TTF2: variants seen among roughly 807,000 people sequenced by gnomAD.
The protein encoded by TTF2 is transcription termination factor 2.
Under a neutral mutation model 142.4 loss-of-function variants are expected in TTF2, and 108 were observed. The ratio of observed to expected loss-of-function variants is 0.76; its 90% CI spans 0.65 to 0.89. TTF2 has a LOEUF of 0.89. TTF2 is among the 40% of genes least tolerant of loss of function. The pLI is 0.00. For synonymous variants in TTF2, 483 were observed against 506.2 expected (o/e 0.95, Z 0.61); for missense variants, 1,327 against 1,379.8 (o/e 0.96, Z 0.61).
chr1:117,068,508 C>T (rs1449356760), intron 3 of TTF2, among the ~76,000 whole-genome samples: 1 of 148,454 alleles, frequency 6.7e-6, no homozygotes, highest in Non-Finnish European at 1.5e-5. Flanking sequence ...CAAACCTGCA[C>T]ATTGTGCACA....
In TTF2 at chr1:117,075,029, A is replaced by G; in HGVS notation, c.445A>G (p.Lys149Glu). Residue 149 changes from lysine (K) to glutamate (E), a missense_variant, in exon 5 of 23, where the codon AAG (lysine) becomes GAG (glutamate). Coordinates refer to ENST00000369466, the MANE Select transcript of TTF2 (RefSeq NM_003594.4). The surrounding 1 kb of genome is among the most constrained non-coding windows in gnomAD (Gnocchi z 4.5). ...GCTCATCAAAGGTGAAGGTGAGGAA[A>G]AGAAGGCTGATAAGAAGCAAAGAGA... ...KQLIKGEGEE[K>E]KADKKQREKG... is the part of the protein sequence containing the mutation. The G allele has an allele frequency of 6.2e-7, 1 of 1,614,060 alleles. No homozygotes were observed. The highest frequency in any genetic ancestry group is 8.5e-7 in the Non-Finnish European group (1 of 1,180,022).
rs772417520 is a variant in TTF2, at chr1:117,096,271, A to T, written c.3158A>T (p.Glu1053Val). ...CCCAAGCAGAGAATGGACTTGGTAGAGGCATTTAACCACTCCAGAGGCCCT... is the reference window on the plus strand; with the variant it reads ...CCCAAGCAGAGAATGGACTTGGTAGTGGCATTTAACCACTCCAGAGGCCCT... ...VNPKQRMDLV[E>V]AFNHSRGPQV... is the part of the protein sequence containing the mutation. Residue 1053 changes from glutamate to valine, a missense_variant, in exon 20 of 23, where the codon GAG becomes GTG. Physicochemically the swap from Glu to Val is moderately radical, Grantham distance 121. Transcript: ENST00000369466. 6.2e-7 allele frequency: 1 copy of T among 1,614,164 alleles called. No individual in the cohort carries two copies. The highest frequency in any genetic ancestry group is 8.5e-7 in the Non-Finnish European group (1 of 1,180,026).
intron 10 of TTF2, among the ~76,000 whole-genome samples, chr1:117,082,275 T>C (rs1033287194): frequency 4.6e-5 from 7 of 152,298 alleles, no homozygotes; most frequent in Non-Finnish European, 7.4e-5. Context: ...GTGCAGTGCA[T>C]GAACACAGCT....
At chr1:117,089,686 T>C (rs996216366) in intron 13 of TTF2, among the ~76,000 whole-genome samples, 1 of 151,898 alleles carries the variant, frequency 6.6e-6, no homozygotes, top group Non-Finnish European at 1.5e-5. Context: ...AAGACCTCAG[T>C]CTCTAAAGAA....
rs573182545 is a variant in TTF2 at position 117,083,913 on chromosome 1, A to G, written c.1904-105A>G. ...GATCACTTGAGCCTAGGAGTTTGAG[A>G]CAGCCTGGGTAACACAGCAAGACCG... is the stretch of plus-strand genomic sequence containing the variant. On this transcript the variant is annotated intron_variant, in intron 10 of 22. Transcript: ENST00000369466. 2.9e-6 allele frequency: 4 copies of G among 1,381,148 alleles called. No homozygotes were observed. In the African/African-American group the frequency reaches 5.7e-5, roughly 20 times the overall value. The allele number at this position is 1,381,148 out of a possible 1,614,324, so 85.6% of individuals were successfully genotyped here. A position where few individuals can be genotyped will look rare whatever the true frequency, so the allele number is the denominator to read the frequency against.
At chr1:117,061,061 G>A (rs1655641975) in intron 2 of TTF2, among the ~76,000 whole-genome samples, 1 of 152,186 alleles carries the variant, frequency 6.6e-6, no homozygotes, top group Non-Finnish European at 1.5e-5. Flanking sequence ...CATCTAAATG[G>A]TGAAATTGAT....
In TTF2 at chr1:117,104,538, G is replaced by A. The variant is rs928891465; in HGVS notation, c.*3014G>A. ...ATCTACTGTAAGGTAGATGCCTCCT[G>A]GTATTTTAAAACAGCTTTTCTAATT... On this transcript the variant is annotated 3_prime_UTR_variant, in exon 23 of 23. Coordinates refer to ENST00000369466, the MANE Select transcript of TTF2 (RefSeq NM_003594.4). 6.6e-5 allele frequency: 10 copies of A among 152,104 alleles called. No individual in the cohort carries two copies. Among genetic ancestry groups the A allele is most frequent in the African/African-American group, 2.4e-4 (10 of 41,412 alleles). The allele number at this position is 152,104 out of a possible 1,614,324, so 9.4% of individuals were successfully genotyped here.
chr1:117,079,493 G>T lies in TTF2; in HGVS notation c.1702-75G>T. On this transcript the variant is annotated intron_variant, in intron 8 of 22. Transcript: ENST00000369466. The surrounding 1 kb of genome is among the most constrained non-coding windows in gnomAD (Gnocchi z 4.2). ...CATTTGTAGAAAATAGGAGAGTGTA[G>T]AGTTCGTGTAGCCAGGCTCGGCATA... is the stretch of plus-strand genomic sequence containing the variant. The T allele has an allele frequency of 7.4e-7, 1 of 1,351,980 alleles. No individual in the cohort carries two copies. The highest frequency in any genetic ancestry group is 1.1e-6 in the Non-Finnish European group (1 of 942,668). The allele number at this position is 1,351,980 out of a possible 1,614,324, so 83.7% of individuals were successfully genotyped here.
rs918320588 is a variant in TTF2, at chr1:117,086,922, T to G, written c.2160+400T>G. ...CTAGTATTTTGATTTTAAGCCATCT[T>G]TCCCTGCCTCCCTTTACTTCCCAGA... is the stretch of plus-strand genomic sequence containing the variant. On this transcript the variant is annotated intron_variant, in intron 12 of 22. Transcript: ENST00000369466. This position sits in a 1 kb window ranked among gnomAD's most constrained non-coding sequence, Gnocchi z 4.2. Among the ~76,000 whole-genome samples, 4 of 152,018 alleles carry G rather than the reference T, an allele frequency of 2.6e-5. No individual in the cohort carries two copies. Among genetic ancestry groups the G allele is most frequent in the Non-Finnish European group, 5.9e-5 (4 of 68,022 alleles).
intron 11 of TTF2, among the ~76,000 whole-genome samples, chr1:117,084,822 G>A (rs1647867525): frequency 1.3e-5 from 2 of 152,156 alleles, no homozygotes; most frequent in African/African-American, 4.8e-5. Flanking sequence ...TCAAGGATGA[G>A]AACAAAGTTA....
In TTF2 at chr1:117,075,785, G is replaced by A. The variant is rs749296815; in HGVS notation, c.1201G>A (p.Val401Ile). 6.2e-7 allele frequency: 1 copy of A among 1,614,214 alleles called. No individual in the cohort carries two copies. The highest frequency in any genetic ancestry group is 8.5e-7 in the Non-Finnish European group (1 of 1,180,034). The part of the protein sequence containing the change: ...VQRKVSPASG[V>I]SKKVEPSDPV... ...AAGAAAGGTGTCTCCTGCCTCAGGT[G>A]TTTCCAAGAAGGTAGAACCCTCAGA... The change falls in exon 5 of 23, where the codon GTT (valine) becomes ATT (isoleucine). Residue 401 changes from valine (V) to isoleucine (I), a missense_variant. Val to Ile is a conservative substitution (Grantham distance 29). Transcript: ENST00000369466. This position sits in a 1 kb window ranked among gnomAD's most constrained non-coding sequence, Gnocchi z 4.5.
Position 117,060,516 on chromosome 1 carries a change from C to A in TTF2, c.90C>A (p.Tyr30Ter). The change falls in exon 2 of 23, where the codon TAC becomes TAA. Residue 30 changes from tyrosine to a stop codon, truncating the protein, a stop_gained. Transcript: ENST00000369466. LOFTEE classifies it high-confidence loss of function. ...GCCCGAATAAAGGAAAGAGCTTCTA[C>A]GTGTGCCGGGCAGACACGTGCAGCT... is the stretch of plus-strand genomic sequence containing the variant. ...RDGPNKGKSF[Y>*]VCRADTCSFV... 1 of 1,614,008 alleles carries A rather than the reference C, an allele frequency of 6.2e-7. No homozygotes were observed. The highest frequency in any genetic ancestry group is 8.5e-7 in the Non-Finnish European group (1 of 1,179,916).
chr1:117,098,090 A>G (rs1649312278), intron 21 of TTF2: 1 of 152,474 alleles, frequency 6.6e-6, no homozygotes. Context: ...GATGGGTACA[A>G]ATAGGTCAAC....
intron 10 of TTF2, among the ~76,000 whole-genome samples, chr1:117,082,329 C>T (rs1647595717): frequency 6.6e-6 from 1 of 152,186 alleles, no homozygotes; most frequent in African/African-American, 2.4e-5. Context: ...CCTCCCACCT[C>T]AGCCTCCCAA....
At position 117,092,855 on chromosome 1, in the gene TTF2, C is replaced by G; in HGVS notation, c.2930C>G (p.Thr977Ser). 6.2e-7 allele frequency: 1 copy of G among 1,614,200 alleles called. No homozygotes were observed. Among genetic ancestry groups the G allele is most frequent in the Non-Finnish European group, 8.5e-7 (1 of 1,180,046 alleles). ...TCTTCCACTGTTTCCCTTAACGGCA[C>G]CTTCTTCAAGATGGAGCTTTTTGAA... ...EPSSTVSLNG[T>S]FFKMELFEGM... Residue 977 changes from threonine (T) to serine (S), a missense_variant, in exon 18 of 23, where the codon ACC becomes AGC. By Grantham distance (58) the Thr-to-Ser change is moderately conservative. Coordinates refer to ENST00000369466, the MANE Select transcript of TTF2 (RefSeq NM_003594.4). The surrounding 1 kb of genome is among the most constrained non-coding windows in gnomAD (Gnocchi z 4.4).
At position 117,093,377 on chromosome 1, in the gene TTF2, C is replaced by T. The variant is rs775569302; in HGVS notation, c.2976+476C>T. ...TTCATTAGTCATTCTGCTCTGTTTTCGTCAGAGCTTTTTAAGGCAGAAACA... is the reference window on the plus strand; with the variant it reads ...TTCATTAGTCATTCTGCTCTGTTTTTGTCAGAGCTTTTTAAGGCAGAAACA... On this transcript the variant is annotated intron_variant, in intron 18 of 22. Transcript: ENST00000369466. The surrounding 1 kb of genome is among the most constrained non-coding windows in gnomAD (Gnocchi z 4.5). Among the ~76,000 whole-genome samples, 3 of 152,170 alleles carry T rather than the reference C, an allele frequency of 2.0e-5. No individual in the cohort carries two copies. The highest frequency in any genetic ancestry group is 1.9e-4 in the East Asian group (1 of 5,198).
rs1386891848 is a variant in TTF2, at chr1:117,100,642, TCCCA to T, written c.3345-737_3345-734del. Among the ~76,000 whole-genome samples the T allele has an allele frequency of 6.6e-6, 1 of 152,304 alleles. No homozygotes were observed. The highest frequency in any genetic ancestry group is 6.5e-5 in the Admixed American group (1 of 15,296). ...AACTCAGCCATGGTTTTGCACGTGT[TCCCA>T]TTCCCTGGGGTGCTCTCCTCACTGC... On this transcript the variant is annotated intron_variant, in intron 22 of 22. Coordinates refer to ENST00000369466, the MANE Select transcript of TTF2 (RefSeq NM_003594.4). The surrounding 1 kb of genome is among the most constrained non-coding windows in gnomAD (Gnocchi z 4.6).
At position 117,075,206 on chromosome 1, in the gene TTF2, A is replaced by G; in HGVS notation, c.622A>G (p.Thr208Ala). The G allele has an allele frequency of 6.2e-7, 1 of 1,614,200 alleles. No homozygotes were observed. The highest frequency in any genetic ancestry group is 8.5e-7 in the Non-Finnish European group (1 of 1,180,040). Residue 208 changes from threonine to alanine, a missense_variant, in exon 5 of 23, where the codon ACT (threonine) becomes GCT (alanine). By Grantham distance (58) the Thr-to-Ala change is moderately conservative. Transcript: ENST00000369466. The surrounding 1 kb of genome is among the most constrained non-coding windows in gnomAD (Gnocchi z 4.5). ...AGCAGAGATTCAGTGTGAGGCAGAG[A>G]CTGGAGGCACACACAAAAGAGACTT... Reference protein sequence around the residue: ...EGAEIQCEAETGGTHKRDFSE... With the variant: ...EGAEIQCEAEAGGTHKRDFSE...
rs1648270888 is a variant in TTF2 at position 117,088,800 on chromosome 1, G to A, written c.2161-1G>A. 1 of 1,612,312 alleles carries A rather than the reference G, an allele frequency of 6.2e-7. No individual in the cohort carries two copies. Among genetic ancestry groups the A allele is most frequent in the East Asian group, 2.2e-5 (1 of 44,766 alleles). On this transcript the variant is annotated splice_acceptor_variant, in intron 12 of 22. Coordinates refer to ENST00000369466, the MANE Select transcript of TTF2 (RefSeq NM_003594.4). LOFTEE classifies it high-confidence loss of function. ...CTGGATTTCACTTGTGATTCTTCCA[G>A]GGCACCTCAACACCTTTGCTTCGAA...
Sources: gnomAD v4.1 joint callset for allele counts (sites outside exome capture counted in the v4.1 genomes callset) on GRCh38, gnomAD v4.1.1 for gene constraint, Gnocchi (gnomAD v3.1) non-coding constraint, MANE v1.5 for transcripts, NCBI Gene and HGNC (gene_info 2026-07-23, HGNC 2026-07-21) for gene names.